Variants in SASH1 observed in about 807,000 individuals in gnomAD.
The protein encoded by SASH1 is SAM and SH3 domain-containing protein 1.
Under a neutral mutation model 125.2 loss-of-function variants are expected in SASH1, and 44 were observed. The observed-to-expected ratio is 0.35, with a 90% CI of 0.28 to 0.45. SASH1 has a LOEUF of 0.45. Ranked by LOEUF, SASH1 falls within the 20% of genes least tolerant of loss-of-function variation. SASH1 has a pLI of 1.00. For missense variants in SASH1, 1,426 were observed against 1,614.5 expected, an observed-to-expected ratio of 0.88 and a Z score of 2.00; for synonymous variants, 639 against 649.1, an observed-to-expected ratio of 0.98 and a Z score of 0.24.
the SASH1 span, among the ~76,000 whole-genome samples, chr6:148,249,259 T>G: frequency 6.6e-6 from 1 of 152,218 alleles, no homozygotes. Context: ...ATAATTTCCC[T>G]GAGGGGAGAA....
At position 148,543,854 on chromosome 6, in the gene SASH1, C is replaced by T. The variant is rs377092336; in HGVS notation, c.2384C>T (p.Thr795Met). ...GRLGGGLAPD[T>M]SKSCDPPGVT... ...CTGGGTGGTGGCCTTGCCCCAGACACGTCCAAGAGCTGTGACCCACCTGGT... is the reference window on the plus strand; with the variant it reads ...CTGGGTGGTGGCCTTGCCCCAGACATGTCCAAGAGCTGTGACCCACCTGGT... The change falls in exon 18 of 20, where the codon ACG (threonine) becomes ATG (methionine). Residue 795 changes from threonine to methionine, a missense_variant. Transcript: ENST00000367467. The T allele has an allele frequency of 9.9e-6, 16 of 1,614,172 alleles. No homozygotes were observed. The highest frequency in any genetic ancestry group is 8.9e-5 in the East Asian group (4 of 44,882).
rs150807792 is a variant in SASH1 at position 148,468,475 on chromosome 6, G to T, written c.387-70G>T. On this transcript the variant is annotated intron_variant, in intron 4 of 19. Transcript: ENST00000367467. ...GTAGTATTGATGCTGGGTCAAACTA[G>T]TTAGGAGGATTTTCAGTTCTCCCAT... is the stretch of plus-strand genomic sequence containing the variant. 58 of 1,178,522 alleles carry T rather than the reference G, an allele frequency of 4.9e-5. No individual in the cohort carries two copies. The Middle Eastern group carries it at 5.9e-4, about 12-fold the overall frequency. The allele number at this position is 1,178,522 out of a possible 1,614,324, so 73.0% of individuals were successfully genotyped here. A position where few individuals can be genotyped will look rare whatever the true frequency, so the allele number is the denominator to read the frequency against.
At chr6:148,459,602 C>T (rs1777523789) in intron 4 of SASH1, among the ~76,000 whole-genome samples, 1 of 152,008 alleles carries the variant, frequency 6.6e-6, no homozygotes, top group Non-Finnish European at 1.5e-5. Flanking sequence ...TTGGCCATTC[C>T]CGAGGTGCCA....
chr6:148,297,564 C>T (rs183855341), intron 1 of SASH1, among the ~76,000 whole-genome samples: 15 of 152,246 alleles, frequency 9.9e-5, no homozygotes, highest in African/African-American at 3.1e-4. Context: ...CCGGGTGTGG[C>T]GGCTTACGCC....
In SASH1 at chr6:148,387,154, G is replaced by A. The variant is rs1171127382; in HGVS notation, c.157-2980G>A. 6.9e-5 allele frequency among the ~76,000 whole-genome samples: 8 copies of A among 116,424 alleles called. No individual in the cohort carries two copies. In the South Asian group the frequency reaches 1.1e-3, roughly 16 times the overall value. The allele number at this position is 116,424 out of a possible 152,430, so 76.4% of individuals were successfully genotyped here. On this transcript the variant is annotated intron_variant, in intron 1 of 19. Transcript: ENST00000367467. ...TTTTTTGAGGTGTAATTTTGCTCTCGTTGCCCAGGCTAGAGTGCAGTGGCG... is the reference window on the plus strand; with the variant it reads ...TTTTTTGAGGTGTAATTTTGCTCTCATTGCCCAGGCTAGAGTGCAGTGGCG...
intron 4 of SASH1, among the ~76,000 whole-genome samples, chr6:148,458,467 A>C (rs1307721159): frequency 6.6e-6 from 1 of 152,174 alleles, no homozygotes; most frequent in Non-Finnish European, 1.5e-5. Context: ...TTGACATGGG[A>C]GGCAACTAGC....
intron 1 of SASH1, among the ~76,000 whole-genome samples, chr6:148,306,076 T>G (rs1780122434): frequency 6.6e-6 from 1 of 152,062 alleles, no homozygotes; most frequent in African/African-American, 2.4e-5. Context: ...TAAAACAATT[T>G]TAAAAAAAGA....
intron 4 of SASH1, 50 bp from the exon 5 acceptor site, chr6:148,468,495 T>C (rs1777950697): frequency 7.1e-7 from 1 of 1,408,334 alleles, no homozygotes; most frequent in Admixed American, 1.8e-5. Flanking sequence ...TTTTCAGTTC[T>C]CCCATGAAAG....
chr6:148,538,349 C>G (rs1295845406), intron 16 of SASH1, among the ~76,000 whole-genome samples: 2 of 152,154 alleles, frequency 1.3e-5, no homozygotes, highest in Admixed American at 1.3e-4. Flanking sequence ...ACAGAGTACA[C>G]CGACTCCTCT....
intron 2 of SASH1, among the ~76,000 whole-genome samples, chr6:148,399,030 G>A (rs1379735583): frequency 1.3e-5 from 2 of 152,054 alleles, no homozygotes; most frequent in Non-Finnish European, 2.9e-5. Flanking sequence ...TAATTAAGAA[G>A]GCTTTTCTTT....
At chr6:148,326,363 T>C (rs1232429188) in intron 1 of SASH1, among the ~76,000 whole-genome samples, 4 of 95,146 alleles carry the variant, frequency 4.2e-5, no homozygotes, top group Admixed American at 1.2e-4. Flanking sequence ...TATATGCATA[T>C]ATATATATAT....
At chr6:148,358,463 G>A (rs1782042167) in intron 1 of SASH1, among the ~76,000 whole-genome samples, 1 of 152,134 alleles carries the variant, frequency 6.6e-6, no homozygotes, top group African/African-American at 2.4e-5. Context: ...TGAATGAGGG[G>A]AGGGAATAGT....
At chr6:148,416,986 G>A (rs1784846222) in intron 2 of SASH1, among the ~76,000 whole-genome samples, 1 of 152,176 alleles carries the variant, frequency 6.6e-6, no homozygotes, top group African/African-American at 2.4e-5. Context: ...AAGATAATGG[G>A]GTAGAGGTAG....
intron 8 of SASH1, among the ~76,000 whole-genome samples, chr6:148,500,312 TG>T (rs1779512433): frequency 3.9e-5 from 6 of 152,030 alleles, no homozygotes; most frequent in Admixed American, 3.3e-4. Flanking sequence ...CCATGATATA[TG>T]GTGAAATGTG....
At chr6:148,457,195 T>C (rs1777403336) in intron 4 of SASH1, among the ~76,000 whole-genome samples, 1 of 151,646 alleles carries the variant, frequency 6.6e-6, no homozygotes, top group Non-Finnish European at 1.5e-5. Context: ...CCCTTTTTTT[T>C]ACACCTTAAT....
intron 2 of SASH1, among the ~76,000 whole-genome samples, chr6:148,396,478 G>GAA (rs61277112): frequency 7.2e-4 from 46 of 63,796 alleles, no homozygotes; most frequent in Admixed American, 1.1e-3. Flanking sequence ...CTGCATCTCA[G>GAA]AAAAAAAAAA....
At chr6:148,482,688 ATTT>A (rs200708826) in intron 7 of SASH1, among the ~76,000 whole-genome samples, 11,487 of 99,986 alleles carry the variant, frequency 0.11, 1,061 homozygotes, top group East Asian at 0.47. Context: ...CACCTGGCTA[ATTT>A]TTTTTTTTTT....
At chr6:148,404,318 G>C (rs961924303) in intron 2 of SASH1, among the ~76,000 whole-genome samples, 1 of 152,038 alleles carries the variant, frequency 6.6e-6, no homozygotes, top group East Asian at 1.9e-4. Flanking sequence ...AGGAAGAAAG[G>C]CTCCCAATGA....
intron 8 of SASH1, 41 bp from the exon 9 acceptor site, chr6:148,514,271 GGCAAAGCTCGGA>G (rs1375502181): frequency 1.9e-6 from 3 of 1,573,434 alleles, no homozygotes; most frequent in Non-Finnish European, 2.6e-6. Context: ...CAGCCACACG[GGCAAAGCTCGGA>G]GCAATTACCT....
Sources: gnomAD v4.1 joint callset for allele counts (sites outside exome capture counted in the v4.1 genomes callset) on GRCh38, gnomAD v4.1.1 for gene constraint, MANE v1.5 for transcripts, NCBI Gene and HGNC (gene_info 2026-07-23, HGNC 2026-07-21) for gene names.